NCAPG2: variants seen among roughly 807,000 people sequenced by gnomAD.
NCAPG2 encodes condensin-2 complex subunit G2.
A neutral mutation model predicts 141.1 loss-of-function variants in NCAPG2; 53 were observed. That is an observed-to-expected ratio of 0.38 (90% CI 0.30 to 0.47). The LOEUF (loss-of-function observed/expected upper bound fraction) is 0.47, where lower values mean the gene tolerates loss of function less well. NCAPG2 is among the 20% of genes least tolerant of loss of function. The pLI, the probability that NCAPG2 is intolerant of heterozygous loss-of-function variation, is 0.99. For synonymous variants in NCAPG2, 499 were observed against 490.7 expected (o/e 1.02, Z -0.22); for missense variants, 1,087 against 1,389.0 (o/e 0.78, Z 3.46).
intron 9 of NCAPG2, among the ~76,000 whole-genome samples, chr7:158,681,252 C>T (rs547333005): frequency 6.6e-6 from 1 of 152,300 alleles, no homozygotes; most frequent in South Asian, 2.1e-4. Flanking sequence ...TGTTTCATAA[C>T]TTTGTAACAA....
At position 158,680,708 on chromosome 7, in the gene NCAPG2, T is replaced by A. The variant is rs766584227; in HGVS notation, c.1020+13A>T. The A allele has an allele frequency of 1.3e-6, 2 of 1,485,386 alleles. No individual in the cohort carries two copies. The highest frequency in any genetic ancestry group is 1.8e-6 in the Non-Finnish European group (2 of 1,103,206). 92.0% of individuals were successfully genotyped at this position (1,485,386 alleles called of 1,614,324 possible). A position where few individuals can be genotyped will look rare whatever the true frequency, so the allele number is the denominator to read the frequency against. ...TACATTCCAAACACGGATAAACTAT[T>A]TGAAATGTATACCTTTAATCCTCTC... is the stretch of plus-strand genomic sequence containing the variant. On this transcript the variant is annotated intron_variant, in intron 10 of 27. Transcript: ENST00000356309.
At chr7:158,637,570 C>CTCTGGCCCACCCCA (rs1465291754) in intron 27 of NCAPG2, among the ~76,000 whole-genome samples, 28 of 152,292 alleles carry the variant, frequency 1.8e-4, no homozygotes, top group South Asian at 6.2e-4. Context: ...GGCTTTCCAG[C>CTCTGGCCCACCCCA]TCCGGCTCCA....
Position 158,631,711 on chromosome 7 carries a change from G to A in NCAPG2, c.3387C>T (p.Leu1129=). 1.3e-6 allele frequency: 2 copies of A among 1,596,218 alleles called. No individual in the cohort carries two copies. The highest frequency in any genetic ancestry group is 1.7e-6 in the Non-Finnish European group (2 of 1,164,754). ...CCAGAGTTCTTGATGATGATTCATA[G>A]AGAAATCTGAAACACAAATAAAGAA... ...TLEEDSIERF[L]YESSSRTLGE... is the part of the protein sequence containing the mutation. The change falls in exon 28 of 28, where the codon CTC becomes CTT. Residue 1129 remains leucine (L), a synonymous_variant. Coordinates refer to ENST00000356309, the MANE Select transcript of NCAPG2 (RefSeq NM_017760.7).
intron 10 of NCAPG2, 63 bp from the exon 11 acceptor site, chr7:158,680,148 C>G: frequency 6.7e-7 from 1 of 1,498,536 alleles, no homozygotes; most frequent in South Asian, 1.2e-5. Context: ...GGCTTAAGTA[C>G]AGTGTTCCCA....
chr7:158,678,201 T>C (rs1373467752), intron 11 of NCAPG2, among the ~76,000 whole-genome samples: 1 of 152,052 alleles, frequency 6.6e-6, no homozygotes, highest in African/African-American at 2.4e-5. Flanking sequence ...ACACAGAGGA[T>C]ACAGGAAATA....
chr7:158,704,697 A>G (rs1309322754), intron 1 of NCAPG2, 27 bp downstream of exon 1: 1 of 152,098 alleles, frequency 6.6e-6, no homozygotes, highest in Non-Finnish European at 1.5e-5. Flanking sequence ...TCTGAACCCA[A>G]TCCCGGCTCG....
chr7:158,657,239 C>T (rs1219785143), intron 17 of NCAPG2, among the ~76,000 whole-genome samples: 1 of 152,184 alleles, frequency 6.6e-6, no homozygotes, highest in African/African-American at 2.4e-5. Context: ...TTAATCTAAT[C>T]TATCCAAAAT....
chr7:158,653,492 C>T (rs1831655037), intron 22 of NCAPG2, among the ~76,000 whole-genome samples: 1 of 151,896 alleles, frequency 6.6e-6, no homozygotes, highest in East Asian at 1.9e-4. Context: ...GATGATTTTG[C>T]TTATAATTAA....
At chr7:158,652,237 G>A in intron 23 of NCAPG2, 56 bp downstream of exon 23, 3 of 1,519,024 alleles carry the variant, frequency 2.0e-6, no homozygotes, top group Non-Finnish European at 1.8e-6. Flanking sequence ...CTGTGTAGGT[G>A]TAGCCAGCCC....
chr7:158,688,936 C>G (rs945650097), intron 6 of NCAPG2, among the ~76,000 whole-genome samples: 3 of 152,160 alleles, frequency 2.0e-5, no homozygotes, highest in Non-Finnish European at 4.4e-5. Context: ...TTCTCCACCT[C>G]CTTCAGGGAG....
intron 16 of NCAPG2, 44 bp downstream of exon 16, chr7:158,662,150 G>A (rs766092728): frequency 1.5e-5 from 22 of 1,515,630 alleles, no homozygotes; most frequent in East Asian, 7.3e-5. Context: ...CTAAACAAAC[G>A]TAACCTTAAT....
intron 12 of NCAPG2, among the ~76,000 whole-genome samples, chr7:158,675,245 C>T (rs1049822444): frequency 4.6e-5 from 7 of 152,212 alleles, no homozygotes; most frequent in African/African-American, 1.7e-4. Flanking sequence ...TTCAACAGTA[C>T]TGGGACCCCT....
At chr7:158,703,703 C>G (rs1376487018) in intron 1 of NCAPG2, 1 of 152,246 alleles carries the variant, frequency 6.6e-6, no homozygotes, top group African/African-American at 2.4e-5. Flanking sequence ...AGGTCTGGTA[C>G]TAAATCAAGA....
At position 158,687,187 on chromosome 7, in the gene NCAPG2, C is replaced by T. The variant is rs41271196; in HGVS notation, c.767+161G>A. 6.3e-3 allele frequency among the ~76,000 whole-genome samples: 966 copies of T among 152,238 alleles called. 5 individuals carry two copies. The highest frequency in any genetic ancestry group is 9.9e-3 in the Non-Finnish European group (674 of 68,004). ...GGTCAATACTGGAAAAGAATGATTT[C>T]CTATAAAAGGAAAAAGCTACCCAGT... On this transcript the variant is annotated intron_variant, in intron 7 of 27. Transcript: ENST00000356309.
chr7:158,686,174 C>A lies in NCAPG2; in HGVS notation c.835G>T (p.Glu279Ter). 6.5e-7 allele frequency: 1 copy of A among 1,541,840 alleles called. No individual in the cohort carries two copies. Among genetic ancestry groups the A allele is most frequent in the Non-Finnish European group, 8.8e-7 (1 of 1,136,714 alleles). Residue 279 changes from glutamate (E) to a stop codon, truncating the protein, a stop_gained and splice_region_variant, in exon 8 of 28, where the codon GAG (glutamate) becomes TAG (stop). Transcript: ENST00000356309. LOFTEE classifies it high-confidence loss of function. Reference sequence around the variant, plus strand: ...AACATTTAAAAAAATGAAAATACCTCCAGTATTTTCCCTGAAGCCTTTTTC... The same window carrying A: ...AACATTTAAAAAAATGAAAATACCTACAGTATTTTCCCTGAAGCCTTTTTC... ...AWKKASGKIL[E>*]AIENDCIQDF... is the part of the protein sequence containing the mutation.
intron 10 of NCAPG2, 147 bp downstream of exon 10, chr7:158,680,573 GA>G (rs1161712395): frequency 6.2e-6 from 3 of 481,478 alleles, no homozygotes; most frequent in African/African-American, 2.0e-5. Flanking sequence ...TTTAATAAAA[GA>G]AAAAAACATT....
chr7:158,659,681 T>C (rs965880991), intron 16 of NCAPG2, among the ~76,000 whole-genome samples: 20 of 152,280 alleles, frequency 1.3e-4, no homozygotes, highest in African/African-American at 4.8e-4. Context: ...TGGTGAATCC[T>C]AAAATAATGA....
intron 27 of NCAPG2, among the ~76,000 whole-genome samples, chr7:158,643,380 C>T (rs1164561882): frequency 2.0e-5 from 3 of 151,782 alleles, no homozygotes; most frequent in African/African-American, 7.3e-5. Flanking sequence ...CGTGCCCAGC[C>T]TAATTTTTGT....
Position 158,688,186 on chromosome 7 carries a change from A to AAAC in NCAPG2, c.673-747_673-745dup, listed in dbSNP as rs1554570705. Among the ~76,000 whole-genome samples the AAAC allele has an allele frequency of 5.3e-5, 8 of 151,744 alleles. No individual in the cohort carries two copies. In the East Asian group the frequency reaches 5.8e-4, roughly 11 times the overall value. On this transcript the variant is annotated intron_variant, in intron 6 of 27. Coordinates refer to ENST00000356309, the MANE Select transcript of NCAPG2 (RefSeq NM_017760.7). ...CTCACAACAGGCAAGTTAAAAAAAA[A>AAAC]AACAGTAATATTCACTGGAAGTAAT...
Sources: allele counts gnomAD v4.1 joint callset (sites outside exome capture counted in the v4.1 genomes callset), GRCh38; gene constraint gnomAD v4.1.1; transcripts MANE v1.5; gene names NCBI Gene and HGNC (gene_info 2026-07-23, HGNC 2026-07-21).